The following OOSP2 variants were observed in gnomAD, a reference collection of about 807,000 sequenced individuals.
OOSP2 encodes oocyte secreted protein 2.
A neutral mutation model predicts 13.4 loss-of-function variants in OOSP2; 7 were observed. The observed-to-expected ratio is 0.52, with a 90% CI of 0.30 to 0.98. The LOEUF is 0.98. Among genes scored for constraint, OOSP2 ranks in the 50% least tolerant of loss-of-function variants. The pLI, the probability that OOSP2 is intolerant of heterozygous loss-of-function variation, is 0.07. For missense variants in OOSP2, 184 were observed against 188.5 expected (o/e 0.98, Z 0.14); for synonymous variants, 75 against 67.2 (o/e 1.12, Z -0.57).
chr11:60,044,640 TATCTTCC>T (rs758279429), intron 2 of OOSP2, 24 bp from the exon 3 acceptor site: 3 of 978,992 alleles, frequency 3.1e-6, no homozygotes, highest in Admixed American at 3.5e-5. Flanking sequence ...TTACTCCAAA[TATCTTCC>T]ACTGAAACTT....
At chr11:60,041,592 A>G (rs1854928035) in intron 1 of OOSP2, among the ~76,000 whole-genome samples, 1 of 152,274 alleles carries the variant, frequency 6.6e-6, no homozygotes, top group East Asian at 1.9e-4. Flanking sequence ...TGATACCTGT[A>G]ATCCCAGCAC....
At chr11:60,045,025 CTA>C (rs1406253093) in intron 3 of OOSP2, among the ~76,000 whole-genome samples, 15 of 152,010 alleles carry the variant, frequency 9.9e-5, no homozygotes, top group Admixed American at 2.0e-4. Flanking sequence ...TCTAGTGTAA[CTA>C]TGTTATTTTA....
At chr11:60,042,854 G>A (rs1854953392) in intron 1 of OOSP2, among the ~76,000 whole-genome samples, 1 of 151,858 alleles carries the variant, frequency 6.6e-6, no homozygotes, top group African/African-American at 2.4e-5. Flanking sequence ...CCCCTCCATG[G>A]AATATTTAGG....
intron 1 of OOSP2, among the ~76,000 whole-genome samples, chr11:60,042,197 G>A (rs1040107169): frequency 8.5e-5 from 13 of 152,234 alleles, no homozygotes; most frequent in African/African-American, 3.1e-4. Flanking sequence ...GAAATCATAA[G>A]TATGGGCTTT....
At chr11:60,045,549 AG>A (rs1229143750) in intron 3 of OOSP2, among the ~76,000 whole-genome samples, 4 of 152,166 alleles carry the variant, frequency 2.6e-5, no homozygotes, top group Non-Finnish European at 5.9e-5. Flanking sequence ...ATGTGATTAT[AG>A]TACTTTTTCT....
intron 1 of OOSP2, among the ~76,000 whole-genome samples, chr11:60,042,070 G>A (rs946891695): frequency 4.6e-5 from 7 of 152,042 alleles, no homozygotes; most frequent in African/African-American, 1.7e-4. Context: ...AGTGAGCGGA[G>A]ACAGCGCCAC....
At chr11:60,042,131 CA>C (rs368450642) in intron 1 of OOSP2, among the ~76,000 whole-genome samples, 21 of 152,090 alleles carry the variant, frequency 1.4e-4, no homozygotes, top group African/African-American at 5.1e-4. Flanking sequence ...AACAAACAAA[CA>C]AAAAAACCCC....
rs1854964326 is a variant in OOSP2, at chr11:60,043,452, T to C, written c.65-17T>C. 6.3e-7 allele frequency: 1 copy of C among 1,581,094 alleles called. No homozygotes were observed. Among genetic ancestry groups the C allele is most frequent in the East Asian group, 2.2e-5 (1 of 44,620 alleles). ...ATAGACACCCTTCTGATGCTTTTCATATGGTTCTTTCCACAGTGAAAATAA... is the reference window on the plus strand; with the variant it reads ...ATAGACACCCTTCTGATGCTTTTCACATGGTTCTTTCCACAGTGAAAATAA... On this transcript the variant is annotated splice_polypyrimidine_tract_variant and intron_variant, in intron 1 of 3. Coordinates refer to ENST00000278855, the MANE Select transcript of OOSP2 (RefSeq NM_173801.5).
At chr11:60,046,472 A>G (rs1855009752) in intron 3 of OOSP2, among the ~76,000 whole-genome samples, 1 of 151,758 alleles carries the variant, frequency 6.6e-6, no homozygotes, top group Admixed American at 6.6e-5. Context: ...TTGGCCAACA[A>G]AGTTGTCTGT....
At chr11:60,043,411 T>G in intron 1 of OOSP2, 58 bp from the exon 2 acceptor site, 1 of 1,159,162 alleles carries the variant, frequency 8.6e-7, no homozygotes, top group Non-Finnish European at 1.3e-6. Flanking sequence ...GACTATTCTT[T>G]GAACACTTTC....
chr11:60,047,016 C>T lies in OOSP2; in HGVS notation c.420C>T (p.Asp140=). 2.5e-6 allele frequency: 4 copies of T among 1,610,328 alleles called. No homozygotes were observed. Among genetic ancestry groups the T allele is most frequent in the Non-Finnish European group, 3.4e-6 (4 of 1,176,652 alleles). ...TGGATCCTAGTCCTTTTATTGCTGA[C>T]TTTCAGACAACAGCAGAAGAGTTAG... The part of the protein sequence containing the change: ...IKLDPSPFIA[D]FQTTAEELGL... Residue 140 remains aspartate (D), a synonymous_variant, in exon 4 of 4, where the codon GAC becomes GAT. Transcript: ENST00000278855.
rs1855015115 is a variant in OOSP2 at position 60,046,944 on chromosome 11, GA to G, written c.351del (p.Lys117AsnfsTer14). The part of the protein sequence containing the change: ...EIHLECSTSR[K>X]SVWLTPVSTE... The stretch of plus-strand genomic sequence containing the variant: ...TGCTTTCTGTTTCCCTTTTCTTTAG[GA>G]AATCAGTGTGGCTTACACCAGTTTC... On this transcript the variant is annotated frameshift_variant and splice_region_variant, in exon 4 of 4. Coordinates refer to ENST00000278855, the MANE Select transcript of OOSP2 (RefSeq NM_173801.5). LOFTEE classifies it low-confidence loss of function (END_TRUNC). 1.9e-6 allele frequency: 3 copies of G among 1,608,844 alleles called. No homozygotes were observed. The highest frequency in any genetic ancestry group is 8.5e-7 in the Non-Finnish European group (1 of 1,177,330).
intron 2 of OOSP2, chr11:60,043,870 A>G: frequency 2.7e-6 from 1 of 368,344 alleles, no homozygotes; most frequent in Non-Finnish European, 4.9e-6. Flanking sequence ...ACTGATTCTA[A>G]GTTGCCCTTA....
intron 1 of OOSP2, among the ~76,000 whole-genome samples, chr11:60,042,783 C>T (rs528161041): frequency 2.0e-5 from 3 of 152,072 alleles, no homozygotes; most frequent in Admixed American, 1.3e-4. Flanking sequence ...GGGATGATAT[C>T]GCTTTTATTC....
At chr11:60,045,165 T>A (rs1419146085) in intron 3 of OOSP2, among the ~76,000 whole-genome samples, 1 of 152,176 alleles carries the variant, frequency 6.6e-6, no homozygotes, top group African/African-American at 2.4e-5. Flanking sequence ...TATTGCTCAA[T>A]TTCATCTTAT....
At chr11:60,040,582 C>T (rs1854916349) in intron 1 of OOSP2, 59 bp downstream of exon 1, 2 of 961,862 alleles carry the variant, frequency 2.1e-6, no homozygotes, top group Non-Finnish European at 3.4e-6. Context: ...TGATCGCTTT[C>T]CATGCAGGTG....
In OOSP2 at chr11:60,043,199, C is replaced by A. The variant is rs144848963; in HGVS notation, c.65-270C>A. Among the ~76,000 whole-genome samples, 922 of 152,310 alleles carry A rather than the reference C, an allele frequency of 6.1e-3. 18 individuals are homozygous for A. Among genetic ancestry groups the A allele is most frequent in the South Asian group, 0.056 (268 of 4,828 alleles). On this transcript the variant is annotated intron_variant, in intron 1 of 3. Transcript: ENST00000278855. ...GATTACAGGCGTCAGCCACTGCGCC[C>A]GGCCCATTTATGCTTTTTCTTATTC...
At chr11:60,043,156 G>A (rs938321704) in intron 1 of OOSP2, among the ~76,000 whole-genome samples, 1 of 152,026 alleles carries the variant, frequency 6.6e-6, no homozygotes, top group Non-Finnish European at 1.5e-5. Context: ...CGCCCGCCTC[G>A]GCCTCCCAAA....
intron 3 of OOSP2, among the ~76,000 whole-genome samples, chr11:60,045,682 C>A (rs566810322): frequency 3.9e-5 from 6 of 151,946 alleles, no homozygotes; most frequent in African/African-American, 1.4e-4. Flanking sequence ...ATGTACAAAT[C>A]TTTTAATTTT....
Sources: allele counts gnomAD v4.1 joint callset (sites outside exome capture counted in the v4.1 genomes callset), GRCh38; gene constraint gnomAD v4.1.1; transcripts MANE v1.5; gene names NCBI Gene and HGNC (gene_info 2026-07-23, HGNC 2026-07-21).